The following KLHL25 variants were observed in gnomAD, a reference collection of about 807,000 sequenced individuals.
KLHL25 encodes kelch like family member 25.
Under a neutral mutation model 30.0 loss-of-function variants are expected in KLHL25, and 41 were observed. The ratio of observed to expected loss-of-function variants is 1.37; its 90% confidence interval spans 1.07 to 1.78. KLHL25 has a LOEUF of 1.78. KLHL25 is among the 40% of genes most tolerant of loss of function. The pLI is 0.00. For synonymous variants in KLHL25, 399 were observed against 355.3 expected (o/e 1.12, Z -1.38); for missense variants, 971 against 824.5 (o/e 1.18, Z -2.18).
chr15:85,785,168 A>C lies in KLHL25; in HGVS notation c.-11+9598T>G, dbSNP rs184967293. 5.0e-5 allele frequency among the ~76,000 whole-genome samples: 7 copies of C among 139,858 alleles called. No homozygotes were observed. In the East Asian group the frequency reaches 1.1e-3, roughly 21 times the overall value. 91.8% of individuals were successfully genotyped at this position (139,858 alleles called of 152,430 possible). ...GAGTGCAGTGGTGTGATCTCGGCTCACTGCCAGCTCCGCCTCCCGGGTTCA... is the reference window on the plus strand; with the variant it reads ...GAGTGCAGTGGTGTGATCTCGGCTCCCTGCCAGCTCCGCCTCCCGGGTTCA... On this transcript the variant is annotated intron_variant, in intron 1 of 2. Coordinates refer to ENST00000337975, the MANE Select transcript of KLHL25 (RefSeq NM_022480.4).
chr15:85,770,416 C>A, intron 1 of KLHL25: 1 of 498,622 alleles, frequency 2.0e-6, no homozygotes, highest in Non-Finnish European at 4.1e-6. Context: ...CACGTACCCA[C>A]TTCCCTGCTC....
intron 1 of KLHL25, among the ~76,000 whole-genome samples, chr15:85,771,460 A>G (rs929381924): frequency 6.6e-6 from 1 of 152,262 alleles, no homozygotes; most frequent in Non-Finnish European, 1.5e-5. Flanking sequence ...CTTCAGTGAA[A>G]TTGTAAATGA....
intron 1 of KLHL25, among the ~76,000 whole-genome samples, chr15:85,784,840 G>A (rs539342429): frequency 6.6e-6 from 1 of 152,176 alleles, no homozygotes; most frequent in Non-Finnish European, 1.5e-5. Flanking sequence ...AACCCAGTCA[G>A]GCCAGCCCAG....
chr15:85,761,055 T>A (rs185248122), intron 2 of KLHL25, 44 bp from the exon 3 acceptor site: 32 of 152,474 alleles, frequency 2.1e-4, no homozygotes, highest in African/African-American at 6.7e-4. Flanking sequence ...AGTGGCCACA[T>A]TGTTCTGTTC....
chr15:85,769,100 A>T lies in KLHL25; in HGVS notation c.711T>A (p.Arg237=). The T allele has an allele frequency of 6.2e-7, 1 of 1,606,956 alleles. No homozygotes were observed. Among genetic ancestry groups the T allele is most frequent in the Non-Finnish European group, 8.5e-7 (1 of 1,175,338 alleles). Residue 237 remains arginine (R), a synonymous_variant, in exon 2 of 3, where the codon CGT becomes CGA. Coordinates refer to ENST00000337975, the MANE Select transcript of KLHL25 (RefSeq NM_022480.4). ...VHLPELLRSV[R]LALLPSDCLQ... ...GGCAGTCGGACGGCAGCAAGGCCAGACGCACGCTGCGGAGGAGCTCGGGCA... is the reference window on the plus strand; with the variant it reads ...GGCAGTCGGACGGCAGCAAGGCCAGTCGCACGCTGCGGAGGAGCTCGGGCA...
At chr15:85,785,127 T>A (rs1285177225) in intron 1 of KLHL25, among the ~76,000 whole-genome samples, 3 of 149,886 alleles carry the variant, frequency 2.0e-5, no homozygotes, top group African/African-American at 4.9e-5. Context: ...AGTGTCTCTC[T>A]CTGTCACCCA....
intron 1 of KLHL25, among the ~76,000 whole-genome samples, chr15:85,790,954 C>A (rs890807338): frequency 2.0e-5 from 3 of 151,040 alleles, no homozygotes; most frequent in African/African-American, 7.3e-5. Context: ...GTAATCCCAG[C>A]ACTTTGGGAT....
Position 85,777,540 on chromosome 15 carries a change from C to CCTTCTCCACATGCTCCAGCG in KLHL25, c.-10-7721_-10-7720insCGCTGGAGCATGTGGAGAAG, listed in dbSNP as rs1458407701. Reference sequence around the variant, plus strand: ...CAGAGGGCCGGCCGATGTTTCAGTGCCTTCTCCACATGCTCCAGCCTTTTC... The same window carrying CCTTCTCCACATGCTCCAGCG: ...CAGAGGGCCGGCCGATGTTTCAGTGCCTTCTCCACATGCTCCAGCGCTTCTCCACATGCTCCAGCCTTTTC... On this transcript the variant is annotated intron_variant, in intron 1 of 2. Coordinates refer to ENST00000337975, the MANE Select transcript of KLHL25 (RefSeq NM_022480.4). 2.6e-5 allele frequency among the ~76,000 whole-genome samples: 4 copies of CCTTCTCCACATGCTCCAGCG among 152,352 alleles called. No individual in the cohort carries two copies. The East Asian group carries it at 5.8e-4, about 22-fold the overall frequency.
intron 1 of KLHL25, among the ~76,000 whole-genome samples, chr15:85,775,864 TAAAAAAAAAAAA>T (rs10535328): frequency 5.6e-5 from 5 of 89,064 alleles, no homozygotes; most frequent in African/African-American, 1.9e-4. Flanking sequence ...ATGGCTCGTT[TAAAAAAAAAAAA>T]AAAAAAAAAA....
At chr15:85,782,634 G>C (rs549497031) in intron 1 of KLHL25, among the ~76,000 whole-genome samples, 1 of 151,904 alleles carries the variant, frequency 6.6e-6, no homozygotes, top group African/African-American at 2.4e-5. Flanking sequence ...GGATGGCCTT[G>C]TCCACAGTAC....
At chr15:85,794,086 G>A (rs2089835066) in intron 1 of KLHL25, among the ~76,000 whole-genome samples, 1 of 152,196 alleles carries the variant, frequency 6.6e-6, no homozygotes, top group Admixed American at 6.5e-5. Context: ...GTGTGTCTCG[G>A]AGCCAGGGCA....
intron 1 of KLHL25, among the ~76,000 whole-genome samples, chr15:85,771,902 T>C (rs185922832): frequency 2.0e-5 from 3 of 152,324 alleles, no homozygotes; most frequent in Admixed American, 2.0e-4. Context: ...GGCCCTCAGA[T>C]GCAGTGGCAC....
intron 2 of KLHL25, among the ~76,000 whole-genome samples, chr15:85,767,235 C>T (rs1201268896): frequency 6.6e-6 from 1 of 152,088 alleles, no homozygotes; most frequent in East Asian, 1.9e-4. Context: ...ATGATCTGCC[C>T]ACCTCGGCCT....
At chr15:85,785,235 A>G (rs528301190) in intron 1 of KLHL25, among the ~76,000 whole-genome samples, 269 of 151,268 alleles carry the variant, frequency 1.8e-3, no homozygotes, top group African/African-American at 6.0e-3. Context: ...CTGGAACTAC[A>G]GGCGCCCACC....
chr15:85,781,058 G>A (rs535440221), intron 1 of KLHL25, among the ~76,000 whole-genome samples: 11 of 152,324 alleles, frequency 7.2e-5, no homozygotes, highest in African/African-American at 2.4e-4. Flanking sequence ...GGGGCCGGGC[G>A]CAGTGGCTCA....
chr15:85,778,821 C>T (rs1446572266), intron 1 of KLHL25, among the ~76,000 whole-genome samples: 1 of 152,220 alleles, frequency 6.6e-6, no homozygotes, highest in Non-Finnish European at 1.5e-5. Flanking sequence ...TCCTTCTCCA[C>T]CAGCTTCTGT....
intron 2 of KLHL25, among the ~76,000 whole-genome samples, chr15:85,767,191 T>C (rs1309227844): frequency 3.3e-5 from 5 of 152,032 alleles, no homozygotes; most frequent in Non-Finnish European, 1.5e-5. Flanking sequence ...GGGGTTTCAC[T>C]TGTTAGCCAG....
rs908265938 is a variant in KLHL25, at chr15:85,776,825, T to G, written c.-10-7005A>C. ...CTATAGTCCCAGCTACTCGGGAGGC[T>G]GAGGCAGGAGAATGGCCTGAACTCA... On this transcript the variant is annotated intron_variant, in intron 1 of 2. Coordinates refer to ENST00000337975, the MANE Select transcript of KLHL25 (RefSeq NM_022480.4). 2.2e-4 allele frequency among the ~76,000 whole-genome samples: 33 copies of G among 151,800 alleles called. 2 individuals carry two copies. Among genetic ancestry groups the G allele is most frequent in the South Asian group, 2.1e-4 (1 of 4,808 alleles).
chr15:85,771,965 T>C (rs377477228), intron 1 of KLHL25, among the ~76,000 whole-genome samples: 2 of 152,198 alleles, frequency 1.3e-5, no homozygotes, highest in Non-Finnish European at 2.9e-5. Context: ...GCCAACAGCC[T>C]GGCCCGTGAC....
Sources: gnomAD v4.1 joint callset for allele counts (sites outside exome capture counted in the v4.1 genomes callset) on GRCh38, gnomAD v4.1.1 for gene constraint, MANE v1.5 for transcripts, NCBI Gene and HGNC (gene_info 2026-07-23, HGNC 2026-07-21) for gene names.